The following KIF3A variants were observed in gnomAD, a reference collection of about 807,000 sequenced individuals.
KIF3A encodes the protein kinesin family member 3A.
Under a neutral mutation model 92.6 loss-of-function variants are expected in KIF3A, and 27 were observed. That is an observed-to-expected ratio of 0.29 (90% CI 0.21 to 0.40). KIF3A has a LOEUF of 0.40. Ranked by LOEUF, KIF3A falls within the 10% of genes least tolerant of loss-of-function variation. The pLI, the probability that KIF3A is intolerant of heterozygous loss-of-function variation, is 1.00. For synonymous variants in KIF3A, 250 were observed against 275.4 expected, an observed-to-expected ratio of 0.91 and a Z score of 0.92; for missense variants, 581 against 872.6, an observed-to-expected ratio of 0.67 and a Z score of 4.21.
Position 132,700,332 on chromosome 5 carries a change from C to T in KIF3A, c.1939-48G>A, listed in dbSNP as rs201362538. On this transcript the variant is annotated intron_variant, in intron 16 of 18. Coordinates refer to ENST00000403231, the MANE Select transcript of KIF3A (RefSeq NM_001300791.2). ...ACAGAGAAATGTCTTAATTAGTAAT[C>T]AATACTGTGAGTTAGGCAAATAACT... 8.2e-6 allele frequency: 9 copies of T among 1,102,326 alleles called. No individual in the cohort carries two copies. In the Admixed American group the frequency reaches 1.8e-4, roughly 22 times the overall value. The allele number at this position is 1,102,326 out of a possible 1,614,324, so 68.3% of individuals were successfully genotyped here. A position where few individuals can be genotyped will look rare whatever the true frequency, so the allele number is the denominator to read the frequency against.
intron 2 of KIF3A, among the ~76,000 whole-genome samples, chr5:132,732,943 A>G (rs960567640): frequency 3.3e-5 from 5 of 152,074 alleles, no homozygotes; most frequent in Non-Finnish European, 7.4e-5. Context: ...TTGCTGATAT[A>G]TGTTTATATG....
rs370686985 is a variant in KIF3A, at chr5:132,696,403, T to C, written c.*231A>G. ...CCCCCAACTTCCCTGCACAGTACAA[T>C]TGAAGAGTAGTAGTACAACAATTTG... On this transcript the variant is annotated 3_prime_UTR_variant, in exon 19 of 19. Coordinates refer to ENST00000403231, the MANE Select transcript of KIF3A (RefSeq NM_001300791.2). 2.2e-5 allele frequency: 10 copies of C among 455,274 alleles called. No homozygotes were observed. Among genetic ancestry groups the C allele is most frequent in the African/African-American group, 9.8e-5 (5 of 50,972 alleles). The allele number at this position is 455,274 out of a possible 1,614,324, so 28.2% of individuals were successfully genotyped here. A position where few individuals can be genotyped will look rare whatever the true frequency, so the allele number is the denominator to read the frequency against.
chr5:132,728,562 C>A (rs1049597863), intron 2 of KIF3A, among the ~76,000 whole-genome samples: 1 of 152,044 alleles, frequency 6.6e-6, no homozygotes, highest in Non-Finnish European at 1.5e-5. Flanking sequence ...CATGGTGAAT[C>A]TCCACCTCTA....
At chr5:132,732,563 T>C (rs1241372353) in intron 2 of KIF3A, among the ~76,000 whole-genome samples, 2 of 152,066 alleles carry the variant, frequency 1.3e-5, no homozygotes, top group Non-Finnish European at 2.9e-5. Flanking sequence ...GATCACAAGA[T>C]CAGGAGTTCA....
rs1212446533 is a variant in KIF3A at position 132,724,804 on chromosome 5, AAAATATATATAT to A, written c.510+1312_510+1323del. 8.7e-3 allele frequency among the ~76,000 whole-genome samples: 179 copies of A among 20,522 alleles called. 10 individuals are homozygous for A. Among genetic ancestry groups the A allele is most frequent in the African/African-American group, 0.027 (169 of 6,190 alleles). The allele number at this position is 20,522 out of a possible 152,430, so 13.5% of individuals were successfully genotyped here. On this transcript the variant is annotated intron_variant, in intron 4 of 18. Transcript: ENST00000403231. ...ACTTAAAGTATAATAAAAAAAAAAA[AAAATATATATAT>A]ATATATATATATATATATATATATA...
chr5:132,716,450 T>A lies in KIF3A; in HGVS notation c.757-8A>T. 1 of 1,602,750 alleles carries A rather than the reference T, an allele frequency of 6.2e-7. No individual in the cohort carries two copies. The highest frequency in any genetic ancestry group is 8.5e-7 in the Non-Finnish European group (1 of 1,175,020). ...TGCCTGTCTTTCTGAACCCTAGCAA[T>A]AAACAGAGATGAAAGTAAAGCTAAA... On this transcript the variant is annotated splice_polypyrimidine_tract_variant and splice_region_variant and intron_variant, in intron 6 of 18. Coordinates refer to ENST00000403231, the MANE Select transcript of KIF3A (RefSeq NM_001300791.2).
At chr5:132,708,238 C>A (rs1321364077) in intron 10 of KIF3A, among the ~76,000 whole-genome samples, 3 of 148,236 alleles carry the variant, frequency 2.0e-5, no homozygotes, top group African/African-American at 7.5e-5. Flanking sequence ...GCCAAGACTG[C>A]GCCACTGCAC....
chr5:132,717,066 CACTT>C, intron 5 of KIF3A, 82 bp from the exon 6 acceptor site: 4 of 1,353,452 alleles, frequency 3.0e-6, no homozygotes, highest in Admixed American at 2.1e-5. Context: ...CAGTTTAAAA[CACTT>C]AATTTTATCA....
At chr5:132,711,905 G>A (rs1008564891) in intron 8 of KIF3A, among the ~76,000 whole-genome samples, 1 of 152,072 alleles carries the variant, frequency 6.6e-6, no homozygotes, top group Non-Finnish European at 1.5e-5. Context: ...AACAAAAAAG[G>A]AATGATGAAG....
Position 132,696,678 on chromosome 5 carries a change from GCTTT to G in KIF3A, c.2133_2136del (p.Arg711SerfsTer9). The G allele has an allele frequency of 4.4e-6, 7 of 1,608,834 alleles. No homozygotes were observed. Among genetic ancestry groups the G allele is most frequent in the Non-Finnish European group, 6.0e-6 (7 of 1,175,422 alleles). ...ATTACAGTTTCAGGCTTTGCAGAAC[GCTTT>G]CTGTTTGGAGAAGAAAAAAAGCAAT... is the stretch of plus-strand genomic sequence containing the variant. On this transcript the variant is annotated frameshift_variant and splice_region_variant, in exon 19 of 19. Transcript: ENST00000403231. LOFTEE classifies it high-confidence loss of function.
Position 132,708,907 on chromosome 5 carries a change from T to A in KIF3A, c.1300A>T (p.Asn434Tyr), listed in dbSNP as rs1311336877. The A allele has an allele frequency of 6.5e-7, 1 of 1,547,558 alleles. No individual in the cohort carries two copies. The highest frequency in any genetic ancestry group is 2.4e-5 in the East Asian group (1 of 40,890). ...IEKPLDKFLP[N>Y]QAGKKKVSPD... Reference sequence around the variant, plus strand: ...AGAGAATGTAAGAGCTACCACTCACTAGGCAAGAACTTATCCAGAGGTTTC... The same window carrying A: ...AGAGAATGTAAGAGCTACCACTCACAAGGCAAGAACTTATCCAGAGGTTTC... Residue 434 changes from asparagine (N) to tyrosine (Y), a missense_variant and splice_region_variant, in exon 10 of 19, where the codon AAT becomes TAT. Transcript: ENST00000403231.
In KIF3A at chr5:132,694,502, T is replaced by TG. The variant is rs1752770100; in HGVS notation, c.*2131dup. On this transcript the variant is annotated 3_prime_UTR_variant, in exon 19 of 19. Coordinates refer to ENST00000403231, the MANE Select transcript of KIF3A (RefSeq NM_001300791.2). Reference sequence around the variant, plus strand: ...ATTTATTTTTATTATCATGGTAGGGTGGGATAGAAAAAATATCTAACATAC... The same window carrying TG: ...ATTTATTTTTATTATCATGGTAGGGTGGGGATAGAAAAAATATCTAACATAC... The TG allele has an allele frequency of 2.6e-5, 4 of 152,278 alleles. No homozygotes were observed. The highest frequency in any genetic ancestry group is 2.6e-4 in the Admixed American group (4 of 15,274). The allele number at this position is 152,278 out of a possible 1,614,324, so 9.4% of individuals were successfully genotyped here.
Position 132,701,726 on chromosome 5 carries a change from T to C in KIF3A, c.1884+361A>G, listed in dbSNP as rs186646387. On this transcript the variant is annotated intron_variant, in intron 15 of 18. Transcript: ENST00000403231. Reference sequence around the variant, plus strand: ...AGCTAAGATGGTAAATTTCATGTTATCTATATTTTACCATATACACACACA... The same window carrying C: ...AGCTAAGATGGTAAATTTCATGTTACCTATATTTTACCATATACACACACA... 1.2e-3 allele frequency among the ~76,000 whole-genome samples: 180 copies of C among 152,180 alleles called. 3 individuals are homozygous for C. In the Middle Eastern group the frequency reaches 0.017, roughly 14 times the overall value.
downstream of KIF3A, chr5:132,689,531 T>G (rs1226924208): frequency 6.6e-6 from 1 of 152,212 alleles, no homozygotes; most frequent in Non-Finnish European, 1.5e-5. Flanking sequence ...TACTTCACTC[T>G]TTTTATATAT....
chr5:132,710,594 C>A (rs142132334), intron 9 of KIF3A, among the ~76,000 whole-genome samples: 1 of 152,034 alleles, frequency 6.6e-6, no homozygotes, highest in African/African-American at 2.4e-5. Flanking sequence ...CCAGCCTGGG[C>A]GACAGAATGA....
chr5:132,691,321 G>C (rs987078952), downstream of KIF3A, among the ~76,000 whole-genome samples: 1 of 152,182 alleles, frequency 6.6e-6, no homozygotes, highest in Admixed American at 6.5e-5. Context: ...GCCGAGGTGG[G>C]TGGATCACCT....
chr5:132,696,713 A>G (rs1464484135), intron 18 of KIF3A, 31 bp from the exon 19 acceptor site: 1 of 1,543,258 alleles, frequency 6.5e-7, no homozygotes, highest in Admixed American at 1.7e-5. Context: ...GCAATCATGA[A>G]TGCTTTCCTA....
At chr5:132,709,446 C>T (rs1753340158) in intron 9 of KIF3A, among the ~76,000 whole-genome samples, 1 of 152,120 alleles carries the variant, frequency 6.6e-6, no homozygotes, top group Admixed American at 6.5e-5. Flanking sequence ...TCTCTCCCTC[C>T]CCCAAAATAT....
intron 14 of KIF3A, among the ~76,000 whole-genome samples, 163 bp from the exon 15 acceptor site, chr5:132,702,375 T>C (rs539460852): frequency 6.6e-6 from 1 of 152,326 alleles, no homozygotes; most frequent in Non-Finnish European, 1.5e-5. Flanking sequence ...TTCTACACTA[T>C]TTGTTAAGGT....
Sources: gnomAD v4.1 joint callset for allele counts (sites outside exome capture counted in the v4.1 genomes callset) on GRCh38, gnomAD v4.1.1 for gene constraint, MANE v1.5 for transcripts, NCBI Gene and HGNC (gene_info 2026-07-23, HGNC 2026-07-21) for gene names.